The following PTPN11 variants were observed in gnomAD, a reference collection of about 807,000 sequenced individuals.
PTPN11 encodes the protein tyrosine-protein phosphatase non-receptor type 11.
A neutral mutation model predicts 78.8 loss-of-function variants in PTPN11; 6 were observed. That is an observed-to-expected ratio of 0.08 (90% CI 0.04 to 0.15). PTPN11 has a LOEUF of 0.15. Among genes scored for constraint, PTPN11 ranks in the 10% least tolerant of loss-of-function variants. The pLI is 1.00. For synonymous variants in PTPN11, 221 were observed against 263.5 expected, an observed-to-expected ratio of 0.84 and a Z score of 1.56; for missense variants, 386 against 744.8, an observed-to-expected ratio of 0.52 and a Z score of 5.61.
chr12:112,450,937 G>C (rs2038071269), intron 3 of PTPN11, among the ~76,000 whole-genome samples: 1 of 152,138 alleles, frequency 6.6e-6, no homozygotes, highest in African/African-American at 2.4e-5. Flanking sequence ...GCTCAGAAGT[G>C]GAAAAGCAGA....
intron 13 of PTPN11, among the ~76,000 whole-genome samples, chr12:112,493,199 C>T (rs1028680331): frequency 5.3e-5 from 8 of 151,750 alleles, no homozygotes; most frequent in Non-Finnish European, 8.8e-5. Context: ...GCTGGGATTA[C>T]AGGTGCCCAC....
At chr12:112,452,050 A>G (rs2038085827) in intron 3 of PTPN11, among the ~76,000 whole-genome samples, 1 of 148,648 alleles carries the variant, frequency 6.7e-6, no homozygotes, top group Non-Finnish European at 1.5e-5. Context: ...TAATTTTTGT[A>G]TTTTTAGTAG....
At chr12:112,423,598 G>T (rs886158403) in intron 1 of PTPN11, among the ~76,000 whole-genome samples, 3 of 152,144 alleles carry the variant, frequency 2.0e-5, no homozygotes. Context: ...AATTTGAAAT[G>T]TATTGGTATA....
intron 1 of PTPN11, among the ~76,000 whole-genome samples, chr12:112,430,544 T>C (rs753762342): frequency 1.3e-5 from 2 of 152,058 alleles, no homozygotes; most frequent in Non-Finnish European, 2.9e-5. Flanking sequence ...TCCTCCCGTC[T>C]CAGCCTCTAG....
chr12:112,439,109 G>A (rs1207657582), intron 1 of PTPN11, among the ~76,000 whole-genome samples: 1 of 152,008 alleles, frequency 6.6e-6, no homozygotes, highest in Non-Finnish European at 1.5e-5. Context: ...CCATTTTATA[G>A]GACTTAACAG....
chr12:112,461,178 A>G (rs1656721540), intron 6 of PTPN11, among the ~76,000 whole-genome samples: 1 of 152,258 alleles, frequency 6.6e-6, no homozygotes, highest in Non-Finnish European at 1.5e-5. Flanking sequence ...GCTCCTGATC[A>G]TTATTACTTA....
intron 6 of PTPN11, among the ~76,000 whole-genome samples, chr12:112,466,021 C>G (rs982205519): frequency 1.3e-5 from 2 of 152,118 alleles, no homozygotes; most frequent in African/African-American, 4.8e-5. Flanking sequence ...TGGATCTATT[C>G]TAGGTTTTGG....
chr12:112,467,212 C>A (rs2038342491), intron 6 of PTPN11, among the ~76,000 whole-genome samples: 1 of 152,136 alleles, frequency 6.6e-6, no homozygotes, highest in African/African-American at 2.4e-5. Flanking sequence ...CTCACATGTA[C>A]AACATGGATC....
intron 13 of PTPN11, among the ~76,000 whole-genome samples, chr12:112,490,304 C>CTTTT (rs1258631865): frequency 1.6e-5 from 2 of 128,722 alleles, no homozygotes; most frequent in East Asian, 2.5e-4. Context: ...TCAGGGATGT[C>CTTTT]TTTTTTTTTT....
At chr12:112,484,194 T>C (rs750882534) in intron 10 of PTPN11, among the ~76,000 whole-genome samples, 16 of 151,904 alleles carry the variant, frequency 1.1e-4, no homozygotes, top group Admixed American at 3.9e-4. Flanking sequence ...AGATAGAATA[T>C]ATGAAGAAAG....
intron 7 of PTPN11, 48 bp from the exon 8 acceptor site, chr12:112,477,603 C>T (rs2038524953): frequency 6.9e-7 from 1 of 1,453,300 alleles, no homozygotes; most frequent in Non-Finnish European, 9.6e-7. Flanking sequence ...ACTGTTTTTT[C>T]CTGAAGCAGT....
chr12:112,430,612 T>A (rs577330025), intron 1 of PTPN11, among the ~76,000 whole-genome samples: 1 of 152,162 alleles, frequency 6.6e-6, no homozygotes, highest in South Asian at 2.1e-4. Context: ...AACTTTTTTT[T>A]TTTTTTCTAG....
At chr12:112,481,399 C>G (rs1343015326) in intron 9 of PTPN11, among the ~76,000 whole-genome samples, 1 of 152,218 alleles carries the variant, frequency 6.6e-6, no homozygotes, top group African/African-American at 2.4e-5. Flanking sequence ...AGCACCGACT[C>G]TCCTTTGACA....
chr12:112,452,740 A>G (rs1297583630), intron 3 of PTPN11, among the ~76,000 whole-genome samples: 1 of 150,824 alleles, frequency 6.6e-6, no homozygotes, highest in South Asian at 2.1e-4. Context: ...TGTTGCCCAG[A>G]CTGGTCTTGA....
intron 11 of PTPN11, among the ~76,000 whole-genome samples, chr12:112,487,295 C>T (rs1408486553): frequency 4.0e-5 from 6 of 151,852 alleles, no homozygotes; most frequent in African/African-American, 1.2e-4. Flanking sequence ...ACACTACGCC[C>T]GGCTAATTTT....
At chr12:112,447,771 A>AT (rs2038017726) in intron 2 of PTPN11, among the ~76,000 whole-genome samples, 1 of 147,560 alleles carries the variant, frequency 6.8e-6, no homozygotes, top group African/African-American at 2.5e-5. Flanking sequence ...AAGTGCTGGA[A>AT]TTACAGGCAT....
intron 5 of PTPN11, chr12:112,454,927 C>T (rs2038133142): frequency 8.0e-6 from 4 of 501,588 alleles, no homozygotes; most frequent in Admixed American, 2.8e-5. Flanking sequence ...TCAAGCGATT[C>T]TCCTGCCTCA....
At position 112,504,745 on chromosome 12, in the gene PTPN11, A is replaced by G. The variant is rs1283260430; in HGVS notation, c.1763A>G (p.Gln588Arg). 9.4e-6 allele frequency: 15 copies of G among 1,589,574 alleles called. No individual in the cohort carries two copies. Among genetic ancestry groups the G allele is most frequent in the Non-Finnish European group, 1.2e-5 (14 of 1,157,836 alleles). The change falls in exon 15 of 16, where the codon CAG becomes CGG. Residue 588 changes from glutamine (Q) to arginine (R), a missense_variant. Gln to Arg is a conservative substitution (Grantham distance 43). Coordinates refer to ENST00000351677, the MANE Select transcript of PTPN11 (RefSeq NM_002834.5). This position sits in a 1 kb window ranked among gnomAD's most constrained non-coding sequence, Gnocchi z 4.7. Reference sequence around the variant, plus strand: ...TATGAAAACGTGGGCCTGATGCAACAGCAGAAAAGTTTCAGATGAGAAAAC... The same window carrying G: ...TATGAAAACGTGGGCCTGATGCAACGGCAGAAAAGTTTCAGATGAGAAAAC... ...RVYENVGLMQ[Q>R]QKSFR
At chr12:112,458,951 C>T (rs1163836599) in intron 6 of PTPN11, among the ~76,000 whole-genome samples, 2 of 151,846 alleles carry the variant, frequency 1.3e-5, no homozygotes, top group Non-Finnish European at 2.9e-5. Context: ...GAGGATTGCT[C>T]GAGCCTGGGA....
Sources: allele counts gnomAD v4.1 joint callset (sites outside exome capture counted in the v4.1 genomes callset), GRCh38; gene constraint gnomAD v4.1.1; non-coding constraint Gnocchi (gnomAD v3.1); transcripts MANE v1.5; gene names NCBI Gene and HGNC (gene_info 2026-07-23, HGNC 2026-07-21).